The following GABARAPL1 variants were observed in gnomAD, a reference collection of about 807,000 sequenced individuals.
GABARAPL1 encodes the protein gamma-aminobutyric acid receptor-associated protein-like 1.
Under a neutral mutation model 14.5 loss-of-function variants are expected in GABARAPL1, and 4 were observed. The ratio of observed to expected loss-of-function variants is 0.28; its 90% CI spans 0.14 to 0.63. The LOEUF is 0.63. GABARAPL1 is among the 30% of genes least tolerant of loss of function. The pLI is 0.84. For synonymous variants in GABARAPL1, 47 were observed against 50.6 expected (o/e 0.93, Z 0.30); for missense variants, 82 against 139.2 (o/e 0.59, Z 2.07).
intron 1 of GABARAPL1, among the ~76,000 whole-genome samples, chr12:10,216,841 T>C (rs1949093274): frequency 6.6e-6 from 1 of 152,088 alleles, no homozygotes; most frequent in Non-Finnish European, 1.5e-5. Flanking sequence ...CGCCCGGCAA[T>C]GATTATATTT....
chr12:10,216,276 C>CA (rs1437849098), intron 1 of GABARAPL1, among the ~76,000 whole-genome samples: 1 of 151,832 alleles, frequency 6.6e-6, no homozygotes, highest in African/African-American at 2.4e-5. Flanking sequence ...GAGGCTGAGG[C>CA]AGGAGAATCG....
At chr12:10,213,900 T>G in intron 1 of GABARAPL1, 1 of 455,960 alleles carries the variant, frequency 2.2e-6, no homozygotes, top group South Asian at 1.5e-5. Context: ...TGGTACCTGG[T>G]CGCGATAAGG....
intron 2 of GABARAPL1, 131 bp from the exon 3 acceptor site, chr12:10,220,309 A>G: frequency 7.7e-7 from 1 of 1,299,348 alleles, no homozygotes; most frequent in Non-Finnish European, 1.1e-6. Flanking sequence ...GGCTCTTCTC[A>G]GATGGTATAT....
intron 3 of GABARAPL1, chr12:10,221,574 C>A: frequency 2.1e-6 from 1 of 477,754 alleles, no homozygotes; most frequent in Non-Finnish European, 2.7e-6. Flanking sequence ...ATCCCTGATA[C>A]CTATGTGTAA....
intron 2 of GABARAPL1, among the ~76,000 whole-genome samples, chr12:10,218,706 A>G (rs952947583): frequency 6.6e-6 from 1 of 151,622 alleles, no homozygotes; most frequent in Non-Finnish European, 1.5e-5. Flanking sequence ...TAATTAATTA[A>G]TTAATTAATA....
In GABARAPL1 at chr12:10,220,432, T is replaced by C. The variant is rs1949114028; in HGVS notation, c.170-8T>C. The C allele has an allele frequency of 1.2e-6, 2 of 1,611,836 alleles. No homozygotes were observed. The highest frequency in any genetic ancestry group is 2.7e-5 in the African/African-American group (2 of 74,864). On this transcript the variant is annotated splice_polypyrimidine_tract_variant and splice_region_variant and intron_variant, in intron 2 of 3. Transcript: ENST00000266458. ...TCTTTTCTGCCCTTTTCTTCTTCCA[T>C]CATCCAGTTGGCCAGTTCTACTTCT...
At chr12:10,214,758 T>C (rs1949078578) in intron 1 of GABARAPL1, 1 of 152,240 alleles carries the variant, frequency 6.6e-6, no homozygotes, top group African/African-American at 2.4e-5. Context: ...CAACCCTGTC[T>C]GAAGGACTGT....
chr12:10,218,007 A>C, intron 1 of GABARAPL1, 56 bp from the exon 2 acceptor site: 3 of 1,089,858 alleles, frequency 2.8e-6, no homozygotes, highest in Non-Finnish European at 4.3e-6. Context: ...TGTAGAAGGA[A>C]AAATACTAGA....
Position 10,213,000 on chromosome 12 carries a change from T to C in GABARAPL1, c.-130T>C. 1.8e-6 allele frequency: 1 copy of C among 563,126 alleles called. No individual in the cohort carries two copies. The highest frequency in any genetic ancestry group is 3.4e-6 in the Non-Finnish European group (1 of 295,732). The allele number at this position is 563,126 out of a possible 1,614,324, so 34.9% of individuals were successfully genotyped here. On this transcript the variant is annotated 5_prime_UTR_variant, in exon 1 of 4. Transcript: ENST00000266458. ...CCCCCCTGCACACTCGGCCCAGCGC[T>C]GTTGCCCCCGGAGCGGACGTTTCTG...
chr12:10,220,388 ATTCC>A, intron 2 of GABARAPL1, 48 bp from the exon 3 acceptor site: 2 of 1,609,758 alleles, frequency 1.2e-6, no homozygotes, highest in Non-Finnish European at 1.7e-6. Context: ...CCTTCTACTA[ATTCC>A]TTGTTTTCTT....
At chr12:10,214,379 G>C (rs1431134158) in intron 1 of GABARAPL1, 1 of 151,846 alleles carries the variant, frequency 6.6e-6, no homozygotes, top group African/African-American at 2.4e-5. Context: ...CCTTTAAAAA[G>C]AAAAAAAAGT....
In GABARAPL1 at chr12:10,213,080, G is replaced by A; in HGVS notation, c.-50G>A. 2 of 1,148,586 alleles carry A rather than the reference G, an allele frequency of 1.7e-6. No individual in the cohort carries two copies. Among genetic ancestry groups the A allele is most frequent in the Non-Finnish European group, 2.6e-6 (2 of 775,336 alleles). 71.1% of individuals were successfully genotyped at this position (1,148,586 alleles called of 1,614,324 possible). A position where few individuals can be genotyped will look rare whatever the true frequency, so the allele number is the denominator to read the frequency against. On this transcript the variant is annotated 5_prime_UTR_variant, in exon 1 of 4. Coordinates refer to ENST00000266458, the MANE Select transcript of GABARAPL1 (RefSeq NM_031412.4). Reference sequence around the variant, plus strand: ...CTGAGGGAGCGGGACAGGGTCAGCGGCGAAGGAGGCAGGCCCCGCGCGGGG... The same window carrying A: ...CTGAGGGAGCGGGACAGGGTCAGCGACGAAGGAGGCAGGCCCCGCGCGGGG...
rs2302486 is a variant in GABARAPL1 at position 10,212,975 on chromosome 12, C to G, written c.-155C>G. 0.35 allele frequency: 195,507 copies of G among 562,042 alleles called. 39,355 individuals carry two copies. Among genetic ancestry groups the G allele is most frequent in the East Asian group, 0.65 (20,767 of 32,008 alleles). 34.8% of individuals were successfully genotyped at this position (562,042 alleles called of 1,614,324 possible). On this transcript the variant is annotated 5_prime_UTR_variant, in exon 1 of 4. Transcript: ENST00000266458. Reference sequence around the variant, plus strand: ...CTCACCCGAGATCCCCGCCCCGAACCCCCCCTGCACACTCGGCCCAGCGCT... The same window carrying G: ...CTCACCCGAGATCCCCGCCCCGAACGCCCCCTGCACACTCGGCCCAGCGCT...
intron 1 of GABARAPL1, among the ~76,000 whole-genome samples, chr12:10,216,471 T>TC (rs756982029): frequency 1.3e-5 from 2 of 151,738 alleles, no homozygotes; most frequent in Non-Finnish European, 2.9e-5. Context: ...TTTTTTTTTT[T>TC]CTGCGTCTTC....
intron 3 of GABARAPL1, 145 bp from the exon 4 acceptor site, chr12:10,221,642 C>G (rs1482710765): frequency 2.0e-6 from 2 of 992,114 alleles, no homozygotes; most frequent in Non-Finnish European, 2.9e-6. Context: ...GTAATTCCAA[C>G]CACTTCTCCC....
chr12:10,216,232 G>A (rs913819441), intron 1 of GABARAPL1, among the ~76,000 whole-genome samples: 14 of 151,898 alleles, frequency 9.2e-5, no homozygotes, highest in African/African-American at 2.9e-4. Flanking sequence ...TTAGCCGGGC[G>A]TGGTGGCATG....
At chr12:10,218,778 G>T (rs1429362504) in intron 2 of GABARAPL1, among the ~76,000 whole-genome samples, 1 of 151,288 alleles carries the variant, frequency 6.6e-6, no homozygotes, top group Non-Finnish European at 1.5e-5. Context: ...GCATCATCTT[G>T]GCTCACTGCA....
At chr12:10,215,099 C>T (rs1487917165) in intron 1 of GABARAPL1, among the ~76,000 whole-genome samples, 1 of 152,132 alleles carries the variant, frequency 6.6e-6, no homozygotes, top group Non-Finnish European at 1.5e-5. Flanking sequence ...GACGCAGGTT[C>T]CTTGATTTGG....
At chr12:10,215,671 TCTTC>T (rs1949083978) in intron 1 of GABARAPL1, among the ~76,000 whole-genome samples, 1 of 152,186 alleles carries the variant, frequency 6.6e-6, no homozygotes, top group Admixed American at 6.5e-5. Flanking sequence ...TCTTTATCTG[TCTTC>T]CTTTGTGGTT....
Sources: gnomAD v4.1 joint callset for allele counts (sites outside exome capture counted in the v4.1 genomes callset) on GRCh38, gnomAD v4.1.1 for gene constraint, MANE v1.5 for transcripts, NCBI Gene and HGNC (gene_info 2026-07-23, HGNC 2026-07-21) for gene names.